Variants in AFF3 observed in about 807,000 individuals in gnomAD.
AFF3 encodes the protein AF4/FMR2 family member 3.
A neutral mutation model predicts 129.7 loss-of-function variants in AFF3; 32 were observed. The ratio of observed to expected loss-of-function variants is 0.25; its 90% CI spans 0.19 to 0.33. AFF3 has a LOEUF of 0.33. Among genes scored for constraint, AFF3 ranks in the 10% least tolerant of loss-of-function variants. The pLI is 1.00. For missense variants in AFF3, 1,373 were observed against 1,592.0 expected, an observed-to-expected ratio of 0.86 and a Z score of 2.34; for synonymous variants, 644 against 635.4, an observed-to-expected ratio of 1.01 and a Z score of -0.20.
intron 12 of AFF3, among the ~76,000 whole-genome samples, chr2:99,667,864 A>AT (rs68127243): frequency 1.1e-4 from 17 of 149,440 alleles, no homozygotes; most frequent in South Asian, 2.1e-4. Context: ...AACTATTAAT[A>AT]TTTTTTTTTT....
chr2:100,054,358 G>A (rs1360672771), intron 4 of AFF3, among the ~76,000 whole-genome samples: 1 of 152,216 alleles, frequency 6.6e-6, no homozygotes, highest in Non-Finnish European at 1.5e-5. Flanking sequence ...ATTTCAATCT[G>A]AGTAAAGCAG....
intron 7 of AFF3, among the ~76,000 whole-genome samples, chr2:99,870,074 G>A (rs915297977): frequency 1.3e-5 from 2 of 152,122 alleles, no homozygotes; most frequent in African/African-American, 4.8e-5. Context: ...TGGTCTTGCG[G>A]GTCAGTCTCT....
chr2:99,940,237 A>G (rs962486981), intron 7 of AFF3, among the ~76,000 whole-genome samples: 1 of 152,206 alleles, frequency 6.6e-6, no homozygotes, highest in Non-Finnish European at 1.5e-5. Flanking sequence ...ACACAAATTA[A>G]GCCATGAGAA....
At chr2:99,983,455 T>C (rs1316128957) in intron 7 of AFF3, among the ~76,000 whole-genome samples, 1 of 152,234 alleles carries the variant, frequency 6.6e-6, no homozygotes, top group Non-Finnish European at 1.5e-5. Context: ...TCTTTGTGAT[T>C]ACTATTATAA....
chr2:100,076,543 G>A (rs1688602884), intron 4 of AFF3, among the ~76,000 whole-genome samples: 1 of 152,146 alleles, frequency 6.6e-6, no homozygotes, highest in Non-Finnish European at 1.5e-5. Context: ...TATGGCTCCA[G>A]CCCCGGGAAC....
At chr2:99,817,672 C>T (rs1278104193) in intron 8 of AFF3, among the ~76,000 whole-genome samples, 3 of 152,188 alleles carry the variant, frequency 2.0e-5, no homozygotes, top group Non-Finnish European at 2.9e-5. Flanking sequence ...CAGGTGCATG[C>T]CACGGTGCCC....
At chr2:99,633,909 CTTTTTTTTTTTTTT>C (rs139661861) in intron 13 of AFF3, among the ~76,000 whole-genome samples, 10 of 116,422 alleles carry the variant, frequency 8.6e-5, no homozygotes, top group African/African-American at 2.5e-4. Context: ...TTCTTCCTTC[CTTTTTTTTTTTTTT>C]TTTTTTTTTG....
chr2:100,031,823 T>C (rs1319873181), intron 4 of AFF3, among the ~76,000 whole-genome samples: 1 of 152,144 alleles, frequency 6.6e-6, no homozygotes, highest in African/African-American at 2.4e-5. Context: ...GGTAAATAAA[T>C]AAATGGGGAA....
chr2:99,796,466 A>G (rs1273370980), intron 8 of AFF3, among the ~76,000 whole-genome samples: 1 of 152,216 alleles, frequency 6.6e-6, no homozygotes, highest in Non-Finnish European at 1.5e-5. Context: ...GCAACCAACA[A>G]CTTAATTCCC....
chr2:99,790,922 G>A (rs1685145596), intron 8 of AFF3, among the ~76,000 whole-genome samples: 1 of 152,158 alleles, frequency 6.6e-6, no homozygotes, highest in African/African-American at 2.4e-5. Flanking sequence ...ATAAACAATG[G>A]ATAAAGAAAT....
intron 18 of AFF3, among the ~76,000 whole-genome samples, chr2:99,573,448 C>A (rs1676693578): frequency 6.6e-6 from 1 of 152,064 alleles, no homozygotes; most frequent in South Asian, 2.1e-4. Flanking sequence ...GAGAGGAGAC[C>A]CTCAAGAGAA....
intron 4 of AFF3, among the ~76,000 whole-genome samples, chr2:100,070,783 G>A (rs1344269238): frequency 6.6e-6 from 1 of 152,040 alleles, no homozygotes; most frequent in Non-Finnish European, 1.5e-5. Flanking sequence ...GTCAGCTCAT[G>A]GTAGATGCTC....
chr2:99,590,452 T>C (rs1244296515), intron 15 of AFF3, among the ~76,000 whole-genome samples: 1 of 152,138 alleles, frequency 6.6e-6, no homozygotes, highest in Non-Finnish European at 1.5e-5. Context: ...CCACAAGCAT[T>C]CAATTCCAAG....
intron 8 of AFF3, among the ~76,000 whole-genome samples, chr2:99,808,943 G>A (rs1024730705): frequency 6.6e-6 from 1 of 152,192 alleles, no homozygotes; most frequent in South Asian, 2.1e-4. Context: ...GTGAGGCAGC[G>A]GCTACAGAAA....
chr2:99,730,279 AAC>A (rs1679717503), intron 10 of AFF3, among the ~76,000 whole-genome samples: 1 of 152,140 alleles, frequency 6.6e-6, no homozygotes, highest in African/African-American at 2.4e-5. Context: ...AAAAAATTAT[AAC>A]AGTTACCTTT....
intron 7 of AFF3, among the ~76,000 whole-genome samples, chr2:99,988,983 G>A (rs1680109551): frequency 6.6e-6 from 1 of 152,160 alleles, no homozygotes; most frequent in East Asian, 1.9e-4. Flanking sequence ...GCCCACTCAA[G>A]AGACTTTCTA....
intron 13 of AFF3, among the ~76,000 whole-genome samples, chr2:99,644,846 G>A (rs911570926): frequency 6.6e-6 from 1 of 152,178 alleles, no homozygotes; most frequent in Non-Finnish European, 1.5e-5. Flanking sequence ...TTCTTTCGCA[G>A]TGCAGAGGGT....
intron 7 of AFF3, among the ~76,000 whole-genome samples, chr2:99,872,878 G>A (rs1691991763): frequency 6.6e-6 from 1 of 152,106 alleles, no homozygotes; most frequent in African/African-American, 2.4e-5. Context: ...ACTCCTGGTG[G>A]CAGATACAAG....
chr2:99,750,408 T>C (rs1395973069), intron 9 of AFF3, among the ~76,000 whole-genome samples: 2 of 50,328 alleles, frequency 4.0e-5, no homozygotes, highest in African/African-American at 6.4e-5. Context: ...GTACTTTTTT[T>C]TTTTCTTTTC....
Sources: allele counts gnomAD v4.1 joint callset (sites outside exome capture counted in the v4.1 genomes callset), GRCh38; gene constraint gnomAD v4.1.1; transcripts MANE v1.5; gene names NCBI Gene and HGNC (gene_info 2026-07-23, HGNC 2026-07-21).